The following RBFOX1 variants were observed in gnomAD, a reference collection of about 807,000 sequenced individuals.
The protein encoded by RBFOX1 is RNA binding fox-1 homolog 1, also known as RNA binding protein fox-1 homolog 1.
A neutral mutation model predicts 57.7 loss-of-function variants in RBFOX1; 8 were observed. That is an observed-to-expected ratio of 0.14 (90% CI 0.08 to 0.25). The LOEUF is 0.25. RBFOX1 is among the 10% of genes least tolerant of loss of function. The probability of loss-of-function intolerance (pLI) is 1.00; values close to 1 mark genes in which losing one functional copy is unlikely to be tolerated. For missense variants in RBFOX1, 611 were observed against 548.5 expected, an observed-to-expected ratio of 1.11 and a Z score of -1.14; for synonymous variants, 326 against 222.4, an observed-to-expected ratio of 1.47 and a Z score of -4.15.
At chr16:6,666,713 C>G (rs1380998973) in intron 3 of RBFOX1, among the ~76,000 whole-genome samples, 1 of 152,126 alleles carries the variant, frequency 6.6e-6, no homozygotes. Context: ...GCTCCTCATG[C>G]TCAGGGCCTG....
intron 13 of RBFOX1, among the ~76,000 whole-genome samples, chr16:7,675,329 T>C (rs1191885569): frequency 6.6e-6 from 1 of 151,988 alleles, no homozygotes; most frequent in Non-Finnish European, 1.5e-5. Context: ...TTGGAGAACA[T>C]AGTATTTGGA....
chr16:5,242,096 A>G (rs2062182825), intron 1 of RBFOX1, among the ~76,000 whole-genome samples: 1 of 152,068 alleles, frequency 6.6e-6, no homozygotes, highest in Admixed American at 6.6e-5. Context: ...TCTAGGTGAC[A>G]AAGTGAGACC....
intron 4 of RBFOX1, among the ~76,000 whole-genome samples, chr16:7,363,532 C>G (rs185660229): frequency 2.6e-5 from 4 of 152,180 alleles, no homozygotes. Context: ...TCTTGTGGGC[C>G]TCTCAGCCTG....
chr16:5,786,941 G>C (rs941955987), intron 3 of RBFOX1, among the ~76,000 whole-genome samples: 4 of 152,164 alleles, frequency 2.6e-5, no homozygotes, highest in African/African-American at 9.7e-5. Flanking sequence ...ATCGAGACCA[G>C]CCTGGCCAAC....
At chr16:7,479,631 G>C (rs1332973955) in intron 4 of RBFOX1, among the ~76,000 whole-genome samples, 5 of 152,134 alleles carry the variant, frequency 3.3e-5, no homozygotes, top group African/African-American at 2.4e-5. Context: ...GAGATGGAAG[G>C]ATGCAGCTTC....
intron 3 of RBFOX1, among the ~76,000 whole-genome samples, chr16:6,862,590 T>C (rs541422535): frequency 6.6e-6 from 1 of 152,286 alleles, no homozygotes; most frequent in East Asian, 1.9e-4. Context: ...AGAGAGTTCA[T>C]GTTACAGGCA....
intron 4 of RBFOX1, among the ~76,000 whole-genome samples, chr16:7,378,539 A>T (rs2097727071): frequency 6.6e-6 from 1 of 152,186 alleles, no homozygotes; most frequent in African/African-American, 2.4e-5. Flanking sequence ...CATTTCTACC[A>T]AGCCAGTGGC....
intron 4 of RBFOX1, among the ~76,000 whole-genome samples, chr16:7,393,407 C>G (rs1218047910): frequency 1.3e-5 from 2 of 152,182 alleles, no homozygotes; most frequent in African/African-American, 2.4e-5. Flanking sequence ...AAAAACCCAA[C>G]TATAATATTA....
At chr16:6,908,145 G>C (rs187488074) in intron 3 of RBFOX1, among the ~76,000 whole-genome samples, 6 of 151,674 alleles carry the variant, frequency 4.0e-5, no homozygotes, top group Admixed American at 2.6e-4. Flanking sequence ...AAACAATTCA[G>C]CTCCTAACAA....
chr16:5,652,792 C>T (rs1289177901), intron 3 of RBFOX1, among the ~76,000 whole-genome samples: 13 of 152,248 alleles, frequency 8.5e-5, no homozygotes, highest in Admixed American at 8.5e-4. Context: ...GGGTGGATTA[C>T]AGATCTCCTT....
intron 4 of RBFOX1, among the ~76,000 whole-genome samples, chr16:7,070,610 A>G (rs1366035767): frequency 6.6e-6 from 1 of 152,216 alleles, no homozygotes; most frequent in South Asian, 2.1e-4. Context: ...GGTTTTGATT[A>G]ACCTGGGTTT....
chr16:7,439,312 T>C lies in RBFOX1; in HGVS notation c.28-78835T>C, dbSNP rs532490493. Among the ~76,000 whole-genome samples the C allele has an allele frequency of 1.2e-3, 177 of 152,082 alleles. 8 individuals carry two copies. The South Asian group carries it at 0.036, about 31-fold the overall frequency. ...TGATTTGAACCTTCATGTCCCTCTT[T>C]TCATGGAACGTCATGAGTCTGTACT... On this transcript the variant is annotated intron_variant, in intron 4 of 15. Transcript: ENST00000550418.
chr16:5,385,388 T>C (rs889569995), intron 1 of RBFOX1, among the ~76,000 whole-genome samples: 18 of 152,236 alleles, frequency 1.2e-4, no homozygotes, highest in Non-Finnish European at 2.4e-4. Flanking sequence ...ATTTCCCTAA[T>C]GTATTGGATT....
At chr16:5,858,541 T>C (rs1333770771) in intron 3 of RBFOX1, among the ~76,000 whole-genome samples, 1 of 152,180 alleles carries the variant, frequency 6.6e-6, no homozygotes, top group Non-Finnish European at 1.5e-5. Context: ...CCTCTCAAAA[T>C]CGTCTGCAAG....
At position 6,278,377 on chromosome 16, in the gene RBFOX1, CAAAAAAAAAAAAAAAA is replaced by C. The variant is rs57523660; in HGVS notation, c.-126-38598_-126-38583del. Reference sequence around the variant, plus strand: ...AACTGGGGGAAATTGTAGGACTCACCAAAAAAAAAAAAAAAAAAAAAAAAAAAAAAAAAAATAGAGG... The same window carrying C: ...AACTGGGGGAAATTGTAGGACTCACCAAAAAAAAAAAAAAAAAAATAGAGG... On this transcript the variant is annotated intron_variant, in intron 1 of 15. Transcript: ENST00000550418. Among the ~76,000 whole-genome samples the C allele has an allele frequency of 4.2e-3, 118 of 28,070 alleles. 1 individual carries two copies. Among genetic ancestry groups the C allele is most frequent in the East Asian group, 0.026 (17 of 644 alleles). 18.4% of individuals were successfully genotyped at this position (28,070 alleles called of 152,430 possible).
At chr16:7,118,340 T>G (rs2066369371) in intron 4 of RBFOX1, among the ~76,000 whole-genome samples, 1 of 150,876 alleles carries the variant, frequency 6.6e-6, no homozygotes, top group South Asian at 2.1e-4. Context: ...TGATGATTAG[T>G]GATAAGCATT....
intron 2 of RBFOX1, among the ~76,000 whole-genome samples, chr16:6,451,836 C>T (rs949024071): frequency 3.3e-5 from 5 of 151,688 alleles, no homozygotes; most frequent in African/African-American, 9.7e-5. Flanking sequence ...ATCCATGGCT[C>T]TTTCCTTCCA....
chr16:7,279,442 G>A lies in RBFOX1; in HGVS notation c.27+227344G>A, dbSNP rs190072554. On this transcript the variant is annotated intron_variant, in intron 4 of 15. Transcript: ENST00000550418. ...CTTTCTGTTACTCGTTTATTCAGCC[G>A]GCATTTACTGAGTCCTCACCACACT... is the stretch of plus-strand genomic sequence containing the variant. Among the ~76,000 whole-genome samples the A allele has an allele frequency of 1.2e-4, 19 of 152,194 alleles. No homozygotes were observed. The South Asian group carries it at 2.9e-3, about 23-fold the overall frequency.
intron 1 of RBFOX1, among the ~76,000 whole-genome samples, chr16:6,313,418 G>T (rs2152768039): frequency 6.6e-6 from 1 of 152,318 alleles, no homozygotes; most frequent in Admixed American, 6.5e-5. Flanking sequence ...TGCATTCATT[G>T]CCTGGGGAAG....
Sources: gnomAD v4.1 joint callset for allele counts (sites outside exome capture counted in the v4.1 genomes callset) on GRCh38, gnomAD v4.1.1 for gene constraint, MANE v1.5 for transcripts, NCBI Gene and HGNC (gene_info 2026-07-23, HGNC 2026-07-21) for gene names.